The following PACRG variants were observed in gnomAD, a reference collection of about 807,000 sequenced individuals.
PACRG encodes parkin coregulated gene protein.
A neutral mutation model predicts 29.7 loss-of-function variants in PACRG; 29 were observed. The ratio of observed to expected loss-of-function variants is 0.98; its 90% CI spans 0.73 to 1.33. The LOEUF is 1.33. Ranked by LOEUF, PACRG falls within the 40% of genes most tolerant of loss-of-function variation. The probability of loss-of-function intolerance (pLI) is 0.00; values close to 1 mark genes in which losing one functional copy is unlikely to be tolerated. For synonymous variants in PACRG, 116 were observed against 118.7 expected (o/e 0.98, Z 0.15); for missense variants, 279 against 316.2 (o/e 0.88, Z 0.89).
chr6:163,156,389 G>A (rs1778316686), intron 4 of PACRG, among the ~76,000 whole-genome samples: 1 of 152,276 alleles, frequency 6.6e-6, no homozygotes, highest in South Asian at 2.1e-4. Flanking sequence ...CCTGGGGGCC[G>A]TTTTAGACTC....
chr6:163,107,635 T>G (rs1215112003), intron 4 of PACRG, among the ~76,000 whole-genome samples: 6 of 152,206 alleles, frequency 3.9e-5, no homozygotes, highest in Non-Finnish European at 8.8e-5. Context: ...GGACCGGGCC[T>G]CTCTGCTTCA....
chr6:163,198,743 T>C (rs1585325139), intron 4 of PACRG, among the ~76,000 whole-genome samples: 1 of 152,142 alleles, frequency 6.6e-6, no homozygotes, highest in African/African-American at 2.4e-5. Context: ...ATTTAGAAAG[T>C]TTCTTTTGCC....
intron 4 of PACRG, among the ~76,000 whole-genome samples, chr6:163,163,883 G>A (rs1778677019): frequency 6.6e-6 from 1 of 151,806 alleles, no homozygotes; most frequent in South Asian, 2.1e-4. Context: ...AGAATTTGTA[G>A]GCCTGAATTA....
At chr6:162,970,413 G>A (rs2128158401) in intron 2 of PACRG, among the ~76,000 whole-genome samples, 1 of 152,238 alleles carries the variant, frequency 6.6e-6, no homozygotes, top group South Asian at 2.1e-4. Context: ...TGCATTGAAC[G>A]TGCCGGGGAC....
chr6:162,757,183 G>A (rs1287364636), intron 1 of PACRG, among the ~76,000 whole-genome samples: 1 of 151,950 alleles, frequency 6.6e-6, no homozygotes, highest in African/African-American at 2.4e-5. Flanking sequence ...ATCTTAACTA[G>A]GTGTTAACTG....
At chr6:162,943,647 A>C (rs1321824033) in intron 2 of PACRG, among the ~76,000 whole-genome samples, 2 of 152,016 alleles carry the variant, frequency 1.3e-5, no homozygotes, top group Non-Finnish European at 2.9e-5. Flanking sequence ...GGACAGACTC[A>C]CTTAGCCTGG....
chr6:163,112,497 CCCTCTG>C (rs1175302043), intron 4 of PACRG, among the ~76,000 whole-genome samples: 2 of 152,316 alleles, frequency 1.3e-5, no homozygotes, highest in Non-Finnish European at 2.9e-5. Flanking sequence ...AAGCCCCTCC[CCCTCTG>C]GTTGAAGCAA....
intron 4 of PACRG, chr6:163,185,045 A>G (rs192762235): frequency 6.6e-6 from 1 of 152,358 alleles, no homozygotes; most frequent in East Asian, 1.9e-4. Context: ...CACCAATGCA[A>G]TTAATTAGCA....
intron 2 of PACRG, chr6:163,051,470 A>G (rs1210465447): frequency 6.6e-6 from 1 of 151,826 alleles, no homozygotes; most frequent in Non-Finnish European, 1.5e-5. Flanking sequence ...ATCTGAGACT[A>G]ATGCTTTCCC....
At chr6:163,142,097 A>T (rs955430769) in intron 4 of PACRG, among the ~76,000 whole-genome samples, 6 of 152,174 alleles carry the variant, frequency 3.9e-5, no homozygotes, top group African/African-American at 1.4e-4. Context: ...TTTGAAATGA[A>T]TTTATAATTC....
At chr6:163,070,489 G>A (rs191228120) in intron 3 of PACRG, among the ~76,000 whole-genome samples, 1 of 151,936 alleles carries the variant, frequency 6.6e-6, no homozygotes, top group African/African-American at 2.4e-5. Context: ...TTAAAATAAT[G>A]AGTTATGAGA....
intron 2 of PACRG, among the ~76,000 whole-genome samples, chr6:162,982,619 T>C (rs1485635845): frequency 1.3e-5 from 2 of 152,090 alleles, no homozygotes; most frequent in Non-Finnish European, 1.5e-5. Flanking sequence ...TTTTGAGGGT[T>C]CCTTTTGGAG....
rs1463549543 is a variant in PACRG at position 162,777,004 on chromosome 6, A to C, written c.157-37143A>C. On this transcript the variant is annotated intron_variant, in intron 1 of 4. Transcript: ENST00000366888. The surrounding 1 kb of genome is among the most constrained non-coding windows in gnomAD (Gnocchi z 4.0). Reference sequence around the variant, plus strand: ...TGCACACTGCTCAGGTGCTGGGTGCACCTGAATCTCCGAAATCACCACTAA... The same window carrying C: ...TGCACACTGCTCAGGTGCTGGGTGCCCCTGAATCTCCGAAATCACCACTAA... Among the ~76,000 whole-genome samples the C allele has an allele frequency of 1.3e-5, 2 of 152,132 alleles. No individual in the cohort carries two copies. Among genetic ancestry groups the C allele is most frequent in the East Asian group, 3.9e-4 (2 of 5,180 alleles).
intron 4 of PACRG, among the ~76,000 whole-genome samples, chr6:163,142,415 A>G (rs1423681436): frequency 6.6e-6 from 1 of 152,220 alleles, no homozygotes; most frequent in Non-Finnish European, 1.5e-5. Context: ...AAACATATAA[A>G]TTACCAAAAA....
rs116446591 is a variant in PACRG, at chr6:163,309,144, G to C, written c.614-5683G>C. ...TTGATTCCGACAAATGCTGGGTACG[G>C]AAAGAGCTTGGATCTGGCCTGAGTT... On this transcript the variant is annotated intron_variant, in intron 4 of 4. Coordinates refer to ENST00000366888, the MANE Select transcript of PACRG (RefSeq NM_001080379.2). Among the ~76,000 whole-genome samples, 414 of 152,340 alleles carry C rather than the reference G, an allele frequency of 2.7e-3. 1 individual carries two copies. Among genetic ancestry groups the C allele is most frequent in the African/African-American group, 9.5e-3 (393 of 41,578 alleles).
chr6:163,101,134 A>T (rs556085), intron 4 of PACRG: 2 of 981,840 alleles, frequency 2.0e-6, no homozygotes, highest in East Asian at 1.1e-4. Context: ...TTTGCATACC[A>T]ATTACAACTC....
chr6:163,015,251 C>A (rs1805985617), intron 2 of PACRG, among the ~76,000 whole-genome samples: 1 of 152,056 alleles, frequency 6.6e-6, no homozygotes. Context: ...GTTACTATAG[C>A]CTTGCAGTAT....
At chr6:162,851,697 C>T (rs1790873461) in intron 2 of PACRG, among the ~76,000 whole-genome samples, 1 of 151,996 alleles carries the variant, frequency 6.6e-6, no homozygotes, top group South Asian at 2.1e-4. Context: ...TCACTCTCCT[C>T]TCAGAATGTT....
chr6:162,977,972 C>T (rs981648903), intron 2 of PACRG, among the ~76,000 whole-genome samples: 8 of 151,880 alleles, frequency 5.3e-5, no homozygotes, highest in Non-Finnish European at 8.8e-5. Context: ...GGGGAAACCC[C>T]ATCTCTACTA....
Sources: allele counts gnomAD v4.1 joint callset (sites outside exome capture counted in the v4.1 genomes callset), GRCh38; gene constraint gnomAD v4.1.1; non-coding constraint Gnocchi (gnomAD v3.1); transcripts MANE v1.5; gene names NCBI Gene and HGNC (gene_info 2026-07-23, HGNC 2026-07-21).